The following CPQ variants were observed in gnomAD, a reference collection of about 807,000 sequenced individuals.
CPQ encodes the protein Ser-Met dipeptidase.
A neutral mutation model predicts 45.7 loss-of-function variants in CPQ; 37 were observed. The observed-to-expected ratio is 0.81, with a 90% CI of 0.62 to 1.07. CPQ has a LOEUF of 1.07. Ranked by LOEUF, CPQ falls within the 50% of genes least tolerant of loss-of-function variation. CPQ has a pLI of 0.00. For missense variants in CPQ, 537 were observed against 572.9 expected (o/e 0.94, Z 0.64); for synonymous variants, 186 against 205.8 (o/e 0.90, Z 0.82).
chr8:96,761,169 T>A (rs1329857807), intron 1 of CPQ: 2 of 152,216 alleles, frequency 1.3e-5, no homozygotes, highest in African/African-American at 4.8e-5. Context: ...TTCTAAGGCC[T>A]TCCTGATCCA....
intron 1 of CPQ, among the ~76,000 whole-genome samples, chr8:96,735,681 A>T (rs1440392452): frequency 6.6e-6 from 1 of 152,168 alleles, no homozygotes; most frequent in Non-Finnish European, 1.5e-5. Context: ...AACATATGCC[A>T]TAAAAATCCA....
intron 7 of CPQ, among the ~76,000 whole-genome samples, chr8:97,135,370 G>T (rs1441123726): frequency 6.6e-6 from 1 of 152,036 alleles, no homozygotes; most frequent in East Asian, 1.9e-4. Context: ...TTAGGAAGCT[G>T]CTAATGAACT....
chr8:96,788,581 T>G (rs1459607038), intron 2 of CPQ, among the ~76,000 whole-genome samples: 2 of 152,134 alleles, frequency 1.3e-5, no homozygotes. Flanking sequence ...TTTATTATTT[T>G]GACTCTAATG....
intron 4 of CPQ, among the ~76,000 whole-genome samples, chr8:96,956,989 C>G (rs868240402): frequency 6.6e-6 from 1 of 152,222 alleles, no homozygotes; most frequent in African/African-American, 2.4e-5. Flanking sequence ...ACACTCTGTC[C>G]TGCAGCTTGC....
intron 1 of CPQ, among the ~76,000 whole-genome samples, chr8:96,694,151 C>A (rs757192011): frequency 2.6e-5 from 4 of 151,434 alleles, no homozygotes; most frequent in Non-Finnish European, 4.4e-5. Context: ...AAACATAGCA[C>A]CAGATAAAAT....
chr8:97,025,316 T>C (rs1809779029), intron 5 of CPQ, among the ~76,000 whole-genome samples: 1 of 152,222 alleles, frequency 6.6e-6, no homozygotes, highest in African/African-American at 2.4e-5. Context: ...TCCTATTTCA[T>C]AAACCAAAAC....
intron 1 of CPQ, among the ~76,000 whole-genome samples, chr8:96,741,555 A>T (rs1810092618): frequency 1.3e-5 from 2 of 151,678 alleles, no homozygotes; most frequent in African/African-American, 4.9e-5. Context: ...TAATTCTTTT[A>T]ATTGTGATGT....
intron 5 of CPQ, among the ~76,000 whole-genome samples, chr8:97,005,079 A>G (rs1010035279): frequency 6.6e-6 from 1 of 151,622 alleles, no homozygotes; most frequent in Non-Finnish European, 1.5e-5. Context: ...GGAACTGAGT[A>G]TTTATGATCT....
At chr8:96,939,302 A>G in intron 4 of CPQ, among the ~76,000 whole-genome samples, 1 of 152,102 alleles carries the variant, frequency 6.6e-6, no homozygotes. Flanking sequence ...GCTGCCACTA[A>G]TCTAACTGAC....
At chr8:97,002,847 T>C (rs537709775) in intron 5 of CPQ, among the ~76,000 whole-genome samples, 18 of 152,298 alleles carry the variant, frequency 1.2e-4, no homozygotes, top group African/African-American at 4.1e-4. Context: ...CTGTCTAATA[T>C]TGTCAGTGGG....
rs368955708 is a variant in CPQ, at chr8:96,891,108, A to G, written c.849+11103A>G. Among the ~76,000 whole-genome samples the G allele has an allele frequency of 3.3e-5, 5 of 152,350 alleles. No individual in the cohort carries two copies. In the East Asian group the frequency reaches 7.7e-4, roughly 24 times the overall value. Reference sequence around the variant, plus strand: ...TAACATAGTAAGACCAGTGAATTCCATGAGCATGCACACATTGCCACACTT... The same window carrying G: ...TAACATAGTAAGACCAGTGAATTCCGTGAGCATGCACACATTGCCACACTT... On this transcript the variant is annotated intron_variant, in intron 4 of 7. Coordinates refer to ENST00000220763, the MANE Select transcript of CPQ (RefSeq NM_016134.4).
intron 1 of CPQ, among the ~76,000 whole-genome samples, chr8:96,769,726 G>A (rs930569967): frequency 6.6e-6 from 1 of 150,942 alleles, no homozygotes; most frequent in Admixed American, 6.6e-5. Flanking sequence ...TCGCCTCCTG[G>A]GCTCAAACAA....
chr8:97,010,560 C>CT (rs1427167282), intron 5 of CPQ, among the ~76,000 whole-genome samples: 1 of 152,178 alleles, frequency 6.6e-6, no homozygotes, highest in Non-Finnish European at 1.5e-5. Context: ...GATTCTTTCT[C>CT]TCCCCCAGCC....
intron 1 of CPQ, among the ~76,000 whole-genome samples, chr8:96,658,978 T>C (rs1815668436): frequency 6.6e-6 from 1 of 152,202 alleles, no homozygotes. Context: ...GATACCAAAT[T>C]TGTGGTATTT....
chr8:96,973,494 A>G (rs1813717575), intron 5 of CPQ, among the ~76,000 whole-genome samples: 1 of 152,148 alleles, frequency 6.6e-6, no homozygotes. Context: ...AGATCTAGAC[A>G]TCCAAATACA....
chr8:97,114,000 C>G (rs186628903), intron 7 of CPQ, among the ~76,000 whole-genome samples: 1 of 152,314 alleles, frequency 6.6e-6, no homozygotes, highest in African/African-American at 2.4e-5. Flanking sequence ...CTGTCTCTTT[C>G]CAGAGCCATC....
rs1368689294 is a variant in CPQ, at chr8:96,645,286, G to T, written c.-151G>T. 2 of 152,392 alleles carry T rather than the reference G, an allele frequency of 1.3e-5. No individual in the cohort carries two copies. Among genetic ancestry groups the T allele is most frequent in the African/African-American group, 2.4e-5 (1 of 41,584 alleles). 9.4% of individuals were successfully genotyped at this position (152,392 alleles called of 1,614,324 possible). A position where few individuals can be genotyped will look rare whatever the true frequency, so the allele number is the denominator to read the frequency against. ...GCCGGCAAGCAGGGCTGCAGTCACGGGGCGGCGCGGAGGGCCCCAGCCCAG... is the reference window on the plus strand; with the variant it reads ...GCCGGCAAGCAGGGCTGCAGTCACGTGGCGGCGCGGAGGGCCCCAGCCCAG... On this transcript the variant is annotated 5_prime_UTR_variant, in exon 1 of 8. Coordinates refer to ENST00000220763, the MANE Select transcript of CPQ (RefSeq NM_016134.4).
intron 7 of CPQ, among the ~76,000 whole-genome samples, chr8:97,113,602 T>C (rs2130596976): frequency 6.6e-6 from 1 of 152,280 alleles, no homozygotes; most frequent in African/African-American, 2.4e-5. Context: ...CAAACCTCTG[T>C]GGTGCATTCC....
rs986045808 is a variant in CPQ at position 96,841,585 on chromosome 8, T to C, written c.641+6405T>C. ...GCAAAAGACTTTCTCTTCACTTTAC[T>C]GTGAAAATTGCATCACCACACTGGG... On this transcript the variant is annotated intron_variant, in intron 3 of 7. Coordinates refer to ENST00000220763, the MANE Select transcript of CPQ (RefSeq NM_016134.4). 3.5e-4 allele frequency among the ~76,000 whole-genome samples: 54 copies of C among 152,332 alleles called. 1 individual carries two copies. Among genetic ancestry groups the C allele is most frequent in the African/African-American group, 1.3e-3 (54 of 41,584 alleles).
Sources: allele counts gnomAD v4.1 joint callset (sites outside exome capture counted in the v4.1 genomes callset), GRCh38; gene constraint gnomAD v4.1.1; transcripts MANE v1.5; gene names NCBI Gene and HGNC (gene_info 2026-07-23, HGNC 2026-07-21).